Variants in SRGAP3 observed in about 807,000 individuals in gnomAD.
SRGAP3 encodes the protein SLIT-ROBO Rho GTPase activating protein 3, also known as SLIT-ROBO Rho GTPase-activating protein 3.
A neutral mutation model predicts 121.1 loss-of-function variants in SRGAP3; 39 were observed. That is an observed-to-expected ratio of 0.32 (90% CI 0.25 to 0.42). The LOEUF (loss-of-function observed/expected upper bound fraction) is 0.42. SRGAP3 is among the 10% of genes least tolerant of loss of function. The pLI, the probability that SRGAP3 is intolerant of heterozygous loss-of-function variation, is 1.00. For synonymous variants in SRGAP3, 601 were observed against 570.0 expected, an observed-to-expected ratio of 1.05 and a Z score of -0.77; for missense variants, 1,213 against 1,470.6, an observed-to-expected ratio of 0.82 and a Z score of 2.86.
At chr3:9,027,310 GCTGGAGTCTGGC>G (rs911601346) in intron 12 of SRGAP3, among the ~76,000 whole-genome samples, 4 of 152,210 alleles carry the variant, frequency 2.6e-5, no homozygotes, top group African/African-American at 4.8e-5. Context: ...TCGGGGGGGT[GCTGGAGTCTGGC>G]CTTGAAGAGT....
chr3:9,120,588 C>T (rs552535904), intron 2 of SRGAP3, among the ~76,000 whole-genome samples: 14 of 152,232 alleles, frequency 9.2e-5, no homozygotes, highest in Non-Finnish European at 1.9e-4. Flanking sequence ...CCTGGGTTTT[C>T]ATGCTCGACA....
At chr3:9,344,366 A>T (rs1449136267) in intron 1 of SRGAP3, among the ~76,000 whole-genome samples, 1 of 152,194 alleles carries the variant, frequency 6.6e-6, no homozygotes, top group African/African-American at 2.4e-5. Flanking sequence ...GAGGCAGGAG[A>T]ATCGCTTGAA....
chr3:9,226,224 T>C (rs1332239564), intron 1 of SRGAP3, among the ~76,000 whole-genome samples: 1 of 152,220 alleles, frequency 6.6e-6, no homozygotes, highest in Non-Finnish European at 1.5e-5. Context: ...GAAGTTTACA[T>C]TTCCATTTTG....
chr3:9,158,207 A>G (rs1380282802), intron 1 of SRGAP3, among the ~76,000 whole-genome samples: 1 of 152,078 alleles, frequency 6.6e-6, no homozygotes, highest in Non-Finnish European at 1.5e-5. Flanking sequence ...GTCCGCTCAA[A>G]CCTGGGAGGG....
intron 1 of SRGAP3, chr3:9,348,876 A>G: frequency 8.6e-7 from 1 of 1,168,344 alleles, no homozygotes; most frequent in Non-Finnish European, 1.3e-6. Flanking sequence ...AACCTCACTG[A>G]AGATCAGCTA....
Position 9,002,778 on chromosome 3 carries a change from G to A in SRGAP3, c.2227+7530C>T, listed in dbSNP as rs994468790. ...GGGACGTTACTACCATTATTTTACA[G>A]GAGAAAAAGGATCATAAAGAAGTAC... is the stretch of plus-strand genomic sequence containing the variant. On this transcript the variant is annotated intron_variant, in intron 18 of 21. Coordinates refer to ENST00000383836, the MANE Select transcript of SRGAP3 (RefSeq NM_014850.4). Among the ~76,000 whole-genome samples the A allele has an allele frequency of 5.9e-5, 9 of 151,884 alleles. 1 individual carries two copies. Among genetic ancestry groups the A allele is most frequent in the Non-Finnish European group, 1.0e-4 (7 of 67,960 alleles).
chr3:9,103,454 TTA>T (rs1213979449), intron 3 of SRGAP3, among the ~76,000 whole-genome samples: 2 of 152,150 alleles, frequency 1.3e-5, no homozygotes, highest in African/African-American at 4.8e-5. Context: ...CCATGGGTAT[TTA>T]TCTCCATCAC....
chr3:9,038,124 C>T, intron 10 of SRGAP3, 34 bp from the exon 11 acceptor site: 2 of 1,613,756 alleles, frequency 1.2e-6, no homozygotes, highest in African/African-American at 1.3e-5. Context: ...TGTTTAATTG[C>T]CTTTTCTTTT....
chr3:9,265,773 G>A (rs944477509), intron 3 of SRGAP3, among the ~76,000 whole-genome samples: 3 of 152,148 alleles, frequency 2.0e-5, no homozygotes, highest in Non-Finnish European at 4.4e-5. Context: ...CACTGTTGGT[G>A]GGAGTGTAAA....
intron 18 of SRGAP3, chr3:9,007,605 T>C (rs941600749): frequency 4.6e-5 from 7 of 152,210 alleles, no homozygotes; most frequent in African/African-American, 1.7e-4. Context: ...AGGAAGGATG[T>C]CTGTTTGATA....
At chr3:9,126,645 C>CTAACTAACTAAATAAA (rs1310035999) in intron 1 of SRGAP3, among the ~76,000 whole-genome samples, 51 of 129,398 alleles carry the variant, frequency 3.9e-4, no homozygotes, top group African/African-American at 1.5e-3. Context: ...AACTAACTAA[C>CTAACTAACTAAATAAA]TAAATAAATA....
chr3:9,128,264 G>A (rs1949315157), intron 1 of SRGAP3, among the ~76,000 whole-genome samples: 1 of 152,120 alleles, frequency 6.6e-6, no homozygotes, highest in East Asian at 1.9e-4. Context: ...GTAAAATAAT[G>A]TTATTTTGAT....
intron 3 of SRGAP3, among the ~76,000 whole-genome samples, chr3:9,087,337 C>T: frequency 6.6e-6 from 1 of 151,652 alleles, no homozygotes; most frequent in East Asian, 2.0e-4. Flanking sequence ...AATCAACACC[C>T]ACGAGATGCC....
chr3:9,204,766 C>G (rs1231090811), intron 1 of SRGAP3, among the ~76,000 whole-genome samples: 1 of 152,186 alleles, frequency 6.6e-6, no homozygotes, highest in Admixed American at 6.5e-5. Context: ...CTCCCTACCC[C>G]CAGCCCCAGC....
At position 9,322,039 on chromosome 3, in the gene SRGAP3, G is replaced by T. The variant is rs6779591; in HGVS notation, n.442+3971C>A. Among the ~76,000 whole-genome samples, 1,028 of 151,726 alleles carry T rather than the reference G, an allele frequency of 6.8e-3. 14 individuals carry two copies. The highest frequency in any genetic ancestry group is 0.023 in the African/African-American group (968 of 41,522). ...AAGGAAGAAAAAGGCAAGTAAGTAG[G>T]ATAGGAGAGGAAGCACTGATCTTGG... On this transcript the variant is annotated intron_variant and non_coding_transcript_variant, in intron 3 of 3. Transcript: ENST00000490889.
intron 1 of SRGAP3, among the ~76,000 whole-genome samples, chr3:9,157,147 C>T (rs563340551): frequency 4.6e-5 from 7 of 152,248 alleles, no homozygotes; most frequent in African/African-American, 1.2e-4. Context: ...ATAATTGACT[C>T]GCAGTTGCAC....
intron 3 of SRGAP3, among the ~76,000 whole-genome samples, chr3:9,093,608 T>C (rs1189606399): frequency 6.6e-6 from 1 of 152,142 alleles, no homozygotes; most frequent in Non-Finnish European, 1.5e-5. Flanking sequence ...CATTCATCCA[T>C]CTTTCCTTTC....
chr3:9,165,186 C>T (rs1358937892), intron 1 of SRGAP3, among the ~76,000 whole-genome samples: 1 of 152,234 alleles, frequency 6.6e-6, no homozygotes, highest in Non-Finnish European at 1.5e-5. Context: ...GGCCTATCTT[C>T]CTGCCATCTT....
At chr3:9,273,140 G>A (rs1023156758) in intron 3 of SRGAP3, among the ~76,000 whole-genome samples, 4 of 152,142 alleles carry the variant, frequency 2.6e-5, no homozygotes, top group East Asian at 1.9e-4. Context: ...TAAGGGGCAC[G>A]CAACCTGGAT....
Sources: allele counts gnomAD v4.1 joint callset (sites outside exome capture counted in the v4.1 genomes callset), GRCh38; gene constraint gnomAD v4.1.1; transcripts MANE v1.5; gene names NCBI Gene and HGNC (gene_info 2026-07-23, HGNC 2026-07-21).